UCHL3: variants seen among roughly 807,000 people sequenced by gnomAD.
UCHL3 encodes the protein ubiquitin carboxyl-terminal hydrolase isozyme L3.
Under a neutral mutation model 35.8 loss-of-function variants are expected in UCHL3, and 22 were observed. That is an observed-to-expected ratio of 0.61 (90% CI 0.44 to 0.88). UCHL3 has a LOEUF of 0.88. UCHL3 is among the 40% of genes least tolerant of loss of function. The probability of loss-of-function intolerance (pLI) is 0.00; values close to 1 mark genes in which losing one functional copy is unlikely to be tolerated. For missense variants in UCHL3, 229 were observed against 276.9 expected, an observed-to-expected ratio of 0.83 and a Z score of 1.23; for synonymous variants, 90 against 92.8, an observed-to-expected ratio of 0.97 and a Z score of 0.17.
intron 3 of UCHL3, among the ~76,000 whole-genome samples, chr13:75,565,033 G>A (rs920320018): frequency 1.3e-5 from 2 of 152,052 alleles, no homozygotes; most frequent in African/African-American, 4.8e-5. Flanking sequence ...GTGATAGTGC[G>A]GTCCAGCCAG....
intron 4 of UCHL3, 79 bp from the exon 5 acceptor site, chr13:75,567,148 G>A: frequency 7.7e-7 from 1 of 1,292,714 alleles, no homozygotes; most frequent in Non-Finnish European, 1.1e-6. Context: ...AAAAATAGTA[G>A]CATACTTCTA....
chr13:75,557,213 C>T (rs575841265), intron 2 of UCHL3, among the ~76,000 whole-genome samples: 2 of 149,520 alleles, frequency 1.3e-5, no homozygotes, highest in Non-Finnish European at 3.0e-5. Flanking sequence ...AAGACCCTGT[C>T]TGAAAAAAAA....
intron 6 of UCHL3, among the ~76,000 whole-genome samples, chr13:75,574,204 G>C (rs1478291296): frequency 6.6e-6 from 1 of 151,624 alleles, no homozygotes; most frequent in Non-Finnish European, 1.5e-5. Flanking sequence ...GGCAACAGAA[G>C]GAGACTCCAT....
At chr13:75,600,742 C>T (rs1208465258) in intron 7 of UCHL3, among the ~76,000 whole-genome samples, 1 of 152,224 alleles carries the variant, frequency 6.6e-6, no homozygotes, top group African/African-American at 2.4e-5. Context: ...AACACAGCAT[C>T]CATTCTGCAG....
chr13:75,576,647 C>T (rs892687021), intron 6 of UCHL3, among the ~76,000 whole-genome samples: 1 of 152,198 alleles, frequency 6.6e-6, no homozygotes, highest in African/African-American at 2.4e-5. Flanking sequence ...AGCCACCGCT[C>T]CTGGCCCTGA....
rs9593097 is a variant in UCHL3, at chr13:75,565,715, C to T, written c.184-980C>T. 6.1e-3 allele frequency among the ~76,000 whole-genome samples: 923 copies of T among 152,282 alleles called. 7 individuals carry two copies. The highest frequency in any genetic ancestry group is 0.02 in the African/African-American group (824 of 41,564). On this transcript the variant is annotated intron_variant, in intron 3 of 8. Coordinates refer to ENST00000377595, the MANE Select transcript of UCHL3 (RefSeq NM_006002.5). ...CCTGTAGGCTGTCATTTGCTGACCC[C>T]GCTCTATTGGAAGCAGAAAGTTATG...
intron 3 of UCHL3, 31 bp from the exon 4 acceptor site, chr13:75,566,664 A>G (rs1486805690): frequency 7.8e-7 from 1 of 1,280,906 alleles, no homozygotes; most frequent in East Asian, 2.9e-5. Context: ...TATTTTCCAC[A>G]AATACACTGT....
intron 6 of UCHL3, among the ~76,000 whole-genome samples, chr13:75,571,060 T>C (rs369451272): frequency 2.0e-5 from 3 of 152,182 alleles, no homozygotes; most frequent in East Asian, 1.9e-4. Flanking sequence ...AAATGCTGTT[T>C]TGTATTGCTT....
intron 7 of UCHL3, among the ~76,000 whole-genome samples, chr13:75,596,347 T>G (rs529307517): frequency 3.9e-5 from 6 of 152,222 alleles, no homozygotes; most frequent in African/African-American, 1.4e-4. Context: ...ATAATGGACC[T>G]CCAGGACAGT....
chr13:75,567,405 G>C, intron 5 of UCHL3, 93 bp downstream of exon 5: 1 of 1,111,198 alleles, frequency 9.0e-7, no homozygotes, highest in Non-Finnish European at 1.3e-6. Flanking sequence ...CCATAGTTTT[G>C]AGCAATTATG....
At chr13:75,556,933 A>G (rs2031311169) in intron 2 of UCHL3, among the ~76,000 whole-genome samples, 1 of 152,232 alleles carries the variant, frequency 6.6e-6, no homozygotes, top group African/African-American at 2.4e-5. Flanking sequence ...GTAAAAGGAT[A>G]CACTGGGTTG....
intron 3 of UCHL3, among the ~76,000 whole-genome samples, chr13:75,565,704 T>A (rs2031661180): frequency 6.6e-6 from 1 of 152,216 alleles, no homozygotes; most frequent in African/African-American, 2.4e-5. Flanking sequence ...TAGGCTGTCA[T>A]TTGCTGACCC....
chr13:75,588,110 A>G (rs2032377520), intron 6 of UCHL3, among the ~76,000 whole-genome samples: 1 of 152,130 alleles, frequency 6.6e-6, no homozygotes, highest in African/African-American at 2.4e-5. Flanking sequence ...AAATTGAAAG[A>G]ATAAACTCAA....
chr13:75,601,224 A>G (rs1047252421), intron 7 of UCHL3, among the ~76,000 whole-genome samples: 13 of 152,232 alleles, frequency 8.5e-5, no homozygotes, highest in African/African-American at 2.9e-4. Context: ...ACCACAAACC[A>G]TAAAGGATTT....
chr13:75,562,630 A>G (rs1482172512), intron 3 of UCHL3, among the ~76,000 whole-genome samples: 1 of 152,010 alleles, frequency 6.6e-6, no homozygotes, highest in Non-Finnish European at 1.5e-5. Flanking sequence ...CAAACCATTG[A>G]TTTTTTATGA....
intron 7 of UCHL3, among the ~76,000 whole-genome samples, chr13:75,603,967 G>T (rs556093521): frequency 6.6e-6 from 1 of 152,042 alleles, no homozygotes; most frequent in South Asian, 2.1e-4. Flanking sequence ...TTATGGAGAT[G>T]AATTTATGTG....
rs373627785 is a variant in UCHL3 at position 75,558,490 on chromosome 13, A to G, written c.55-2263A>G. On this transcript the variant is annotated intron_variant, in intron 2 of 8. Transcript: ENST00000377595. ...ATGTACCATCGTGTTTTATAACTTT[A>G]TAACAGGATGACTTTGTGGGTACAT... Among the ~76,000 whole-genome samples, 79 of 152,358 alleles carry G rather than the reference A, an allele frequency of 5.2e-4. 1 individual carries two copies. The East Asian group carries it at 7.9e-3, about 15-fold the overall frequency.
chr13:75,588,045 C>T (rs1011820941), intron 6 of UCHL3, among the ~76,000 whole-genome samples: 2 of 152,184 alleles, frequency 1.3e-5, no homozygotes, highest in East Asian at 3.9e-4. Flanking sequence ...TTCTCTGACC[C>T]AGGCATCTCA....
chr13:75,573,210 G>C (rs2031916257), intron 6 of UCHL3, among the ~76,000 whole-genome samples: 1 of 149,382 alleles, frequency 6.7e-6, no homozygotes, highest in African/African-American at 2.5e-5. Context: ...GTTGCAGTGA[G>C]CCGATATCCC....
Sources: gnomAD v4.1 joint callset for allele counts (sites outside exome capture counted in the v4.1 genomes callset) on GRCh38, gnomAD v4.1.1 for gene constraint, MANE v1.5 for transcripts, NCBI Gene and HGNC (gene_info 2026-07-23, HGNC 2026-07-21) for gene names.